The following COL18A1 variants were observed in gnomAD, a reference collection of about 807,000 sequenced individuals.
COL18A1 encodes collagen type XVIII alpha 1 chain, also known as collagen alpha-1(XVIII) chain.
COL18A1 carries 133 observed loss-of-function variants against 168.0 expected under a neutral mutation model. That is an observed-to-expected ratio of 0.79 (90% CI 0.69 to 0.91). The LOEUF (loss-of-function observed/expected upper bound fraction) is 0.91. COL18A1 is among the 40% of genes least tolerant of loss of function. COL18A1 has a pLI of 0.00. For synonymous variants in COL18A1, 949 were observed against 809.0 expected (o/e 1.17, Z -2.94); for missense variants, 2,126 against 1,925.4 (o/e 1.10, Z -1.95).
chr21:45,491,640 G>A (rs889310012), intron 22 of COL18A1, among the ~76,000 whole-genome samples: 1 of 152,200 alleles, frequency 6.6e-6, no homozygotes, highest in Admixed American at 6.5e-5. Context: ...TCACCCAGCT[G>A]CCCCGTCAGA....
In COL18A1 at chr21:45,475,466, A is replaced by G. The variant is rs1202033505; in HGVS notation, c.739-10A>G. 5 of 1,595,054 alleles carry G rather than the reference A, an allele frequency of 3.1e-6. No homozygotes were observed. In the South Asian group the frequency reaches 5.7e-5, roughly 18 times the overall value. On this transcript the variant is annotated splice_polypyrimidine_tract_variant and intron_variant, in intron 4 of 41. Coordinates refer to ENST00000651438, the MANE Select transcript of COL18A1 (RefSeq NM_001379500.1). ...CATCTCTCCAGCCTTTCCCTTTTCAAACTCCTCAGGCATCCGGAGACTCTG... is the reference window on the plus strand; with the variant it reads ...CATCTCTCCAGCCTTTCCCTTTTCAGACTCCTCAGGCATCCGGAGACTCTG...
Position 45,510,247 on chromosome 21 carries a change from A to C in COL18A1, c.3679A>C (p.Ile1227Leu). The C allele has an allele frequency of 6.2e-7, 1 of 1,605,404 alleles. No homozygotes were observed. Among genetic ancestry groups the C allele is most frequent in the South Asian group, 1.1e-5 (1 of 89,712 alleles). ...CCGTGCCGACCGCGCAGCCGTGCCCATCGTCAACCTCAAGGTGGGTCAGTC... is the reference window on the plus strand; with the variant it reads ...CCGTGCCGACCGCGCAGCCGTGCCCCTCGTCAACCTCAAGGTGGGTCAGTC... Reference protein sequence around the residue: ...VRRADRAAVPIVNLKDELLFP... With the variant: ...VRRADRAAVPLVNLKDELLFP... The change falls in exon 40 of 42, where the codon ATC (isoleucine) becomes CTC (leucine). Residue 1227 changes from isoleucine to leucine, a missense_variant. By Grantham distance (5) the Ile-to-Leu change is conservative. Transcript: ENST00000651438.
intron 2 of COL18A1, among the ~76,000 whole-genome samples, chr21:45,428,469 T>A (rs1026326773): frequency 6.6e-6 from 1 of 152,216 alleles, no homozygotes; most frequent in East Asian, 1.9e-4. Flanking sequence ...TTAACTTTTT[T>A]AAGTTGAGGT....
chr21:45,504,495 G>A lies in COL18A1; in HGVS notation c.2807G>A (p.Ser936Asn). 6.6e-7 allele frequency: 1 copy of A among 1,520,550 alleles called. No individual in the cohort carries two copies. Among genetic ancestry groups the A allele is most frequent in the Non-Finnish European group, 8.7e-7 (1 of 1,144,164 alleles). The allele number at this position is 1,520,550 out of a possible 1,614,324, so 94.2% of individuals were successfully genotyped here. Residue 936 changes from serine (S) to asparagine (N), a missense_variant, in exon 34 of 42, where the codon AGC becomes AAC. Physicochemically the swap from Ser to Asn is conservative, Grantham distance 46. Coordinates refer to ENST00000651438, the MANE Select transcript of COL18A1 (RefSeq NM_001379500.1). ...EPGGGGFFGS[S>N]LPGPPGPPGP... ...GGGGGCGGCGGTTTCTTCGGCTCCA[G>A]CCTGCCCGGCCCCCCCGGCCCCCCA...
Position 45,468,726 on chromosome 21 carries a change from G to A in COL18A1, c.591G>A (p.Leu197=), listed in dbSNP as rs765696570. 5.6e-6 allele frequency: 9 copies of A among 1,611,518 alleles called. No homozygotes were observed. Among genetic ancestry groups the A allele is most frequent in the South Asian group, 2.2e-5 (2 of 91,056 alleles). Reference sequence around the variant, plus strand: ...CTCGGTCCTCACGGGGCCTGGAGCTGGAGCCTGGCGCCGGGCTCTTCGTGG... The same window carrying A: ...CTCGGTCCTCACGGGGCCTGGAGCTAGAGCCTGGCGCCGGGCTCTTCGTGG... ...PLARSSRGLE[L]EPGAGLFVAQ... The change falls in exon 3 of 42, where the codon CTG becomes CTA. Residue 197 remains leucine, a synonymous_variant. Coordinates refer to ENST00000651438, the MANE Select transcript of COL18A1 (RefSeq NM_001379500.1).
At chr21:45,507,118 G>A in intron 37 of COL18A1, 1 of 204,548 alleles carries the variant, frequency 4.9e-6, no homozygotes, top group East Asian at 1.3e-4. Flanking sequence ...GGAGGGCTGG[G>A]TGCTGGGCAG....
intron 37 of COL18A1, chr21:45,507,010 G>C: frequency 3.4e-6 from 1 of 296,866 alleles, no homozygotes; most frequent in South Asian, 3.0e-5. Flanking sequence ...ACTTTCAGGG[G>C]CTTTGGTCCT....
intron 2 of COL18A1, chr21:45,456,701 C>G: frequency 1.3e-6 from 2 of 1,532,706 alleles, no homozygotes; most frequent in Non-Finnish European, 1.7e-6. Context: ...GTTCTTCTGC[C>G]TGCTGCTGGT....
chr21:45,507,087 A>AGAGGT, intron 37 of COL18A1: 1 of 346,608 alleles, frequency 2.9e-6, no homozygotes, highest in South Asian at 2.5e-5. Flanking sequence ...CTGGGCAGGG[A>AGAGGT]GGGCAACCTG....
chr21:45,490,492 TCCCGGGTCTCTGGGCCTC>T (rs1265912701), intron 20 of COL18A1, 146 bp downstream of exon 20: 91 of 669,330 alleles, frequency 1.4e-4, no homozygotes, highest in African/African-American at 4.4e-4. Context: ...CCGTGTGCCC[TCCCGGGTCTCTGGGCCTC>T]CGTGTGCCCA....
intron 2 of COL18A1, among the ~76,000 whole-genome samples, chr21:45,447,043 C>T (rs2034517670): frequency 6.6e-6 from 1 of 152,144 alleles, no homozygotes; most frequent in Non-Finnish European, 1.5e-5. Context: ...ATGCTTTCCT[C>T]CTAAGATCAG....
Position 45,486,966 on chromosome 21 carries a change from C to T in COL18A1, c.1807C>T (p.Pro603Ser), listed in dbSNP as rs1306094852. The change falls in exon 16 of 42, where the codon CCA becomes TCA. Residue 603 changes from proline to serine, a missense_variant. Physicochemically the swap from Pro to Ser is moderately conservative, Grantham distance 74. Transcript: ENST00000651438. ...AGGCCCCCCTGGGCCCCCTGGGCCC[C>T]CAGGACCAGGACTCCCCGCTGGATT... ...PPGPPGPPGPPGPGLPAGFDD... is the reference protein window; with the variant it reads ...PPGPPGPPGPSGPGLPAGFDD... The T allele has an allele frequency of 9.3e-6, 14 of 1,508,080 alleles. No individual in the cohort carries two copies. Among genetic ancestry groups the T allele is most frequent in the Non-Finnish European group, 1.2e-5 (14 of 1,133,696 alleles). 93.4% of individuals were successfully genotyped at this position (1,508,080 alleles called of 1,614,324 possible). A position where few individuals can be genotyped will look rare whatever the true frequency, so the allele number is the denominator to read the frequency against.
At chr21:45,490,979 G>A in intron 21 of COL18A1, 108 bp downstream of exon 21, 3 of 1,124,218 alleles carry the variant, frequency 2.7e-6, no homozygotes, top group African/African-American at 1.5e-5. Context: ...TGTGACCTCA[G>A]AGACTCAGGG....
intron 2 of COL18A1, among the ~76,000 whole-genome samples, chr21:45,415,239 G>A (rs1037607849): frequency 3.9e-5 from 6 of 152,286 alleles, no homozygotes; most frequent in Middle Eastern, 3.4e-3. Context: ...GATGTGTGCC[G>A]GCTTCAGCAG....
Position 45,471,483 on chromosome 21 carries a change from G to A in COL18A1, c.652-2412G>A, listed in dbSNP as rs1478471723. Among the ~76,000 whole-genome samples the A allele has an allele frequency of 1.3e-5, 2 of 152,198 alleles. No individual in the cohort carries two copies. Reference sequence around the variant, plus strand: ...GGAAACCGAGGCTTCCTCCTCCTCAGCCTCTCCACAAGACTGCATCGACCC... The same window carrying A: ...GGAAACCGAGGCTTCCTCCTCCTCAACCTCTCCACAAGACTGCATCGACCC... On this transcript the variant is annotated intron_variant, in intron 3 of 41. Coordinates refer to ENST00000651438, the MANE Select transcript of COL18A1 (RefSeq NM_001379500.1). The surrounding 1 kb of genome is among the most constrained non-coding windows in gnomAD (Gnocchi z 4.4).
At chr21:45,480,179 T>A in intron 11 of COL18A1, 23 bp downstream of exon 11, 1 of 1,407,070 alleles carries the variant, frequency 7.1e-7, no homozygotes, top group Non-Finnish European at 1.0e-6. Context: ...CTTGGCTTCC[T>A]GCGACCCGGG....
chr21:45,405,393 G>A lies in COL18A1; in HGVS notation c.26G>A (p.Trp9Ter). Residue 9 changes from tryptophan to a stop codon, truncating the protein, a stop_gained, in exon 2 of 42, where the codon TGG (tryptophan) becomes TAG (stop). Transcript: ENST00000651438. LOFTEE classifies it high-confidence loss of function. ...GTCCCGCGCAGGTGCCCCTGGCCAT[G>A]GCCGCGGCGGCGGCGCCTCCTGGAC... is the stretch of plus-strand genomic sequence containing the variant. MAPRCPWP[W>*]PRRRRLLDVL... 7.8e-7 allele frequency: 1 copy of A among 1,283,076 alleles called. No homozygotes were observed. Among genetic ancestry groups the A allele is most frequent in the Non-Finnish European group, 9.9e-7 (1 of 1,014,434 alleles). 79.5% of individuals were successfully genotyped at this position (1,283,076 alleles called of 1,614,324 possible).
At chr21:45,484,452 T>A (rs555029081) in intron 15 of COL18A1, among the ~76,000 whole-genome samples, 1 of 148,392 alleles carries the variant, frequency 6.7e-6, no homozygotes, top group South Asian at 2.2e-4. Context: ...CTCTCCAGCA[T>A]GTGTGCACAC....
intron 2 of COL18A1, among the ~76,000 whole-genome samples, chr21:45,446,788 T>TA (rs141989279): frequency 0.048 from 7,326 of 152,018 alleles, 258 homozygotes; most frequent in African/African-American, 0.094. Context: ...CAGCAACATA[T>TA]AAAAAAAATT....
Sources: gnomAD v4.1 joint callset for allele counts (sites outside exome capture counted in the v4.1 genomes callset) on GRCh38, gnomAD v4.1.1 for gene constraint, Gnocchi (gnomAD v3.1) non-coding constraint, MANE v1.5 for transcripts, NCBI Gene and HGNC (gene_info 2026-07-23, HGNC 2026-07-21) for gene names.